LRRTM4: variants seen among roughly 807,000 people sequenced by gnomAD.
LRRTM4 encodes the protein leucine rich repeat transmembrane neuronal 4.
A neutral mutation model predicts 47.6 loss-of-function variants in LRRTM4; 25 were observed. The observed-to-expected ratio is 0.53, with a 90% CI of 0.38 to 0.73. The LOEUF (loss-of-function observed/expected upper bound fraction) is 0.73. LRRTM4 is among the 30% of genes least tolerant of loss of function. The pLI is 0.00. For missense variants in LRRTM4, 638 were observed against 713.4 expected (o/e 0.89, Z 1.20); for synonymous variants, 311 against 269.5 (o/e 1.15, Z -1.51).
intron 3 of LRRTM4, among the ~76,000 whole-genome samples, chr2:76,922,794 C>A (rs145979639): frequency 6.6e-6 from 1 of 151,934 alleles, no homozygotes; most frequent in South Asian, 2.1e-4. Flanking sequence ...CAAATGGTAA[C>A]CAACATATAT....
chr2:77,401,552 C>A (rs1573365164), intron 3 of LRRTM4, among the ~76,000 whole-genome samples: 1 of 151,950 alleles, frequency 6.6e-6, no homozygotes, highest in South Asian at 2.1e-4. Context: ...ATTCCTAGCA[C>A]ATAGAACAGT....
At chr2:77,057,097 A>G (rs1346153166) in intron 3 of LRRTM4, among the ~76,000 whole-genome samples, 1 of 152,218 alleles carries the variant, frequency 6.6e-6, no homozygotes, top group Non-Finnish European at 1.5e-5. Context: ...TTAAATATTT[A>G]GCATCTGGCT....
At chr2:77,367,267 T>A (rs1052408865) in intron 3 of LRRTM4, among the ~76,000 whole-genome samples, 1 of 128,258 alleles carries the variant, frequency 7.8e-6, no homozygotes, top group African/African-American at 3.3e-5. Context: ...CACTCACACA[T>A]ATTGGTGTCA....
intron 3 of LRRTM4, among the ~76,000 whole-genome samples, chr2:77,458,317 A>T (rs77127809): frequency 0.038 from 5,814 of 152,234 alleles, 173 homozygotes; most frequent in Non-Finnish European, 0.053. Context: ...GGGCAGAGAC[A>T]TAGTGTTTCA....
At chr2:76,875,301 G>T (rs1427515216) in intron 3 of LRRTM4, among the ~76,000 whole-genome samples, 1 of 152,082 alleles carries the variant, frequency 6.6e-6, no homozygotes, top group Non-Finnish European at 1.5e-5. Context: ...ACCACATCCT[G>T]ATTTCCCTCT....
At chr2:77,498,975 A>G (rs1351767749) in intron 3 of LRRTM4, among the ~76,000 whole-genome samples, 1 of 151,850 alleles carries the variant, frequency 6.6e-6, no homozygotes, top group African/African-American at 2.4e-5. Flanking sequence ...TACATATGAC[A>G]TCCAACTCCT....
chr2:76,907,245 C>T (rs139982364), intron 3 of LRRTM4, among the ~76,000 whole-genome samples: 55,396 of 150,736 alleles, frequency 0.37, 11,127 homozygotes, highest in East Asian at 0.72. Context: ...GAATGACTAC[C>T]AGGTACATAA....
chr2:77,193,022 T>G (rs1347115172), intron 3 of LRRTM4, among the ~76,000 whole-genome samples: 1 of 152,154 alleles, frequency 6.6e-6, no homozygotes, highest in Non-Finnish European at 1.5e-5. Context: ...CTAATGGTGG[T>G]CCCGTAAGAT....
intron 3 of LRRTM4, among the ~76,000 whole-genome samples, chr2:77,118,692 A>T (rs891951195): frequency 1.3e-5 from 2 of 151,918 alleles, no homozygotes; most frequent in Admixed American, 6.6e-5. Context: ...GAGATTAAGA[A>T]CAAACATTAT....
At chr2:77,004,199 G>C (rs1573437351) in intron 3 of LRRTM4, among the ~76,000 whole-genome samples, 1 of 152,176 alleles carries the variant, frequency 6.6e-6, no homozygotes, top group South Asian at 2.1e-4. Flanking sequence ...TAAGCAACAA[G>C]GAGCCAAATG....
chr2:76,795,314 T>C (rs557831609), intron 3 of LRRTM4, among the ~76,000 whole-genome samples: 1 of 152,322 alleles, frequency 6.6e-6, no homozygotes, highest in South Asian at 2.1e-4. Context: ...TTTTGAAATA[T>C]ATATGTAGTT....
At chr2:76,999,986 C>T (rs1189024469) in intron 3 of LRRTM4, among the ~76,000 whole-genome samples, 1 of 152,024 alleles carries the variant, frequency 6.6e-6, no homozygotes, top group Non-Finnish European at 1.5e-5. Flanking sequence ...ATGATAATAG[C>T]TTCTTTCAGC....
At chr2:77,333,812 A>G (rs1284471439) in intron 3 of LRRTM4, among the ~76,000 whole-genome samples, 1 of 152,146 alleles carries the variant, frequency 6.6e-6, no homozygotes, top group East Asian at 1.9e-4. Context: ...AGAACCCAGA[A>G]TGGTAATTCC....
intron 3 of LRRTM4, among the ~76,000 whole-genome samples, chr2:77,426,844 C>A (rs948701671): frequency 1.3e-5 from 2 of 151,546 alleles, no homozygotes; most frequent in African/African-American, 4.8e-5. Context: ...CACACACACA[C>A]ACAGAGAGAG....
chr2:76,833,569 A>T (rs1215153846), intron 3 of LRRTM4, among the ~76,000 whole-genome samples: 3 of 125,124 alleles, frequency 2.4e-5, no homozygotes, highest in Admixed American at 8.9e-5. Context: ...TCCACTTATA[A>T]ATTTATATTC....
At chr2:77,065,793 A>G (rs1450498337) in intron 3 of LRRTM4, among the ~76,000 whole-genome samples, 1 of 152,116 alleles carries the variant, frequency 6.6e-6, no homozygotes, top group Non-Finnish European at 1.5e-5. Context: ...TTAATTTCCA[A>G]TTCACCTGCC....
chr2:76,843,654 G>A (rs535908297), intron 3 of LRRTM4, among the ~76,000 whole-genome samples: 2 of 152,112 alleles, frequency 1.3e-5, no homozygotes, highest in African/African-American at 2.4e-5. Flanking sequence ...ACAATAAACA[G>A]ACAAAATAAT....
intron 3 of LRRTM4, among the ~76,000 whole-genome samples, chr2:77,445,051 T>G (rs1326581939): frequency 1.3e-5 from 2 of 151,836 alleles, no homozygotes; most frequent in Non-Finnish European, 2.9e-5. Context: ...GTTCAGATAT[T>G]TTAGTCACTC....
chr2:77,309,910 T>G (rs1168947639), intron 3 of LRRTM4, among the ~76,000 whole-genome samples: 1 of 152,174 alleles, frequency 6.6e-6, no homozygotes, highest in Non-Finnish European at 1.5e-5. Flanking sequence ...CAATAAAGTT[T>G]TATTGGAATA....
Sources: gnomAD v4.1 joint callset for allele counts (sites outside exome capture counted in the v4.1 genomes callset) on GRCh38, gnomAD v4.1.1 for gene constraint, MANE v1.5 for transcripts, NCBI Gene and HGNC (gene_info 2026-07-23, HGNC 2026-07-21) for gene names.